Variants in GALNT17 observed in about 807,000 individuals in gnomAD.
The protein encoded by GALNT17 is polypeptide N-acetylgalactosaminyltransferase 17.
Under a neutral mutation model 63.7 loss-of-function variants are expected in GALNT17, and 29 were observed. That is an observed-to-expected ratio of 0.46 (90% CI 0.34 to 0.62). GALNT17 has a LOEUF of 0.62. Among genes scored for constraint, GALNT17 ranks in the 20% least tolerant of loss-of-function variants. GALNT17 has a pLI of 0.01. For synonymous variants in GALNT17, 305 were observed against 318.3 expected (o/e 0.96, Z 0.45); for missense variants, 603 against 799.6 (o/e 0.75, Z 2.97).
intron 3 of GALNT17, among the ~76,000 whole-genome samples, chr7:71,392,519 A>G (rs1793068434): frequency 6.6e-6 from 1 of 152,186 alleles, no homozygotes; most frequent in African/African-American, 2.4e-5. Flanking sequence ...TGCATTTCTT[A>G]TAAGCTCCTA....
intron 9 of GALNT17, among the ~76,000 whole-genome samples, chr7:71,694,311 C>T (rs112454774): frequency 2.0e-5 from 3 of 151,658 alleles, no homozygotes; most frequent in South Asian, 4.2e-4. Context: ...AGAGTCAAAC[C>T]GTATCAATCT....
chr7:71,343,836 G>A (rs1792045630), intron 2 of GALNT17, among the ~76,000 whole-genome samples: 1 of 151,552 alleles, frequency 6.6e-6, no homozygotes, highest in South Asian at 2.1e-4. Flanking sequence ...CTTATTTGGA[G>A]GTGCTAAATA....
rs1434021735 is a variant in GALNT17 at position 71,254,266 on chromosome 7, C to A, written c.239-81284C>A. Among the ~76,000 whole-genome samples the A allele has an allele frequency of 3.3e-5, 5 of 152,116 alleles. No homozygotes were observed. In the East Asian group the frequency reaches 9.7e-4, roughly 29 times the overall value. On this transcript the variant is annotated intron_variant, in intron 1 of 10. Coordinates refer to ENST00000333538, the MANE Select transcript of GALNT17 (RefSeq NM_022479.3). The stretch of plus-strand genomic sequence containing the variant: ...TGTGGAGGTCAAGGTTTTTATCATG[C>A]AGATGAAGCCTCCAGGCAGCAGGCT...
intron 5 of GALNT17, among the ~76,000 whole-genome samples, chr7:71,550,312 A>T (rs980497827): frequency 6.6e-6 from 1 of 152,104 alleles, no homozygotes; most frequent in African/African-American, 2.4e-5. Context: ...TTGTGTTTTG[A>T]CTTTATAACT....
chr7:71,212,482 A>G (rs1244341465), intron 1 of GALNT17, among the ~76,000 whole-genome samples: 1 of 152,220 alleles, frequency 6.6e-6, no homozygotes, highest in Non-Finnish European at 1.5e-5. Flanking sequence ...CAGAGTCCCT[A>G]CTGGGGCACT....
At chr7:71,299,333 C>T (rs1205303861) in intron 1 of GALNT17, among the ~76,000 whole-genome samples, 1 of 152,192 alleles carries the variant, frequency 6.6e-6, no homozygotes, top group African/African-American at 2.4e-5. Context: ...AGGATGGGAA[C>T]TGCCGTTTAT....
At chr7:71,290,077 T>G (rs1389740916) in intron 1 of GALNT17, among the ~76,000 whole-genome samples, 2 of 152,126 alleles carry the variant, frequency 1.3e-5, no homozygotes, top group Non-Finnish European at 2.9e-5. Context: ...ATCAGGTTCA[T>G]CATTTTAACC....
At chr7:71,615,916 G>A (rs1261362227) in intron 6 of GALNT17, among the ~76,000 whole-genome samples, 2 of 152,180 alleles carry the variant, frequency 1.3e-5, no homozygotes, top group Non-Finnish European at 2.9e-5. Flanking sequence ...CCTGAGGATA[G>A]CAGGGGAGGA....
chr7:71,230,919 G>A (rs542408517), intron 1 of GALNT17, among the ~76,000 whole-genome samples: 4 of 152,216 alleles, frequency 2.6e-5, no homozygotes, highest in South Asian at 2.1e-4. Context: ...GGGCCCCACC[G>A]CAGACTCATT....
intron 1 of GALNT17, among the ~76,000 whole-genome samples, chr7:71,312,426 A>G (rs917874960): frequency 2.6e-5 from 4 of 152,206 alleles, no homozygotes; most frequent in Admixed American, 2.0e-4. Context: ...TGATGTCATC[A>G]CTACTGAAAA....
intron 5 of GALNT17, among the ~76,000 whole-genome samples, chr7:71,489,677 A>G (rs562093428): frequency 1.3e-5 from 2 of 152,358 alleles, no homozygotes; most frequent in South Asian, 2.1e-4. Flanking sequence ...AGAGGCTTAC[A>G]TACAGGGGAG....
intron 6 of GALNT17, among the ~76,000 whole-genome samples, chr7:71,616,908 A>ATAATATTAAGAATATATAAT: frequency 6.9e-6 from 1 of 145,108 alleles, no homozygotes; most frequent in African/African-American, 2.5e-5. Flanking sequence ...TCTTATAAGA[A>ATAATATTAAGAATATATAAT]TCATATTAAG....
intron 1 of GALNT17, among the ~76,000 whole-genome samples, chr7:71,289,127 T>C (rs976660191): frequency 3.9e-5 from 6 of 152,084 alleles, no homozygotes; most frequent in African/African-American, 7.2e-5. Context: ...CCAAAACTTA[T>C]TTACAAATAG....
chr7:71,670,094 C>T lies in GALNT17; in HGVS notation c.1389C>T (p.Thr463=), dbSNP rs147604852. Residue 463 remains threonine (T), a synonymous_variant, in exon 8 of 11, where the codon ACC becomes ACT. Coordinates refer to ENST00000333538, the MANE Select transcript of GALNT17 (RefSeq NM_022479.3). ...VYPEMRRYNN[T]VAYGELRNNK... The stretch of plus-strand genomic sequence containing the variant: ...CAGAAATGAGAAGATACAATAATAC[C>T]GTTGCTTACGGGGAGGTAATTCAGA... The T allele has an allele frequency of 6.3e-5, 101 of 1,613,994 alleles. No homozygotes were observed. The highest frequency in any genetic ancestry group is 1.1e-4 in the East Asian group (5 of 44,854).
At chr7:71,570,935 A>G (rs1165540585) in intron 5 of GALNT17, among the ~76,000 whole-genome samples, 1 of 152,096 alleles carries the variant, frequency 6.6e-6, no homozygotes, top group East Asian at 1.9e-4. Flanking sequence ...CCAAGATTGT[A>G]TCATTGCACT....
intron 1 of GALNT17, among the ~76,000 whole-genome samples, chr7:71,156,704 G>C (rs1387011654): frequency 6.1e-5 from 7 of 114,368 alleles, no homozygotes; most frequent in African/African-American, 2.2e-4. Flanking sequence ...CTGTCTCTCT[G>C]TCTCTCTCTC....
chr7:71,691,813 C>A (rs151009280), intron 9 of GALNT17, among the ~76,000 whole-genome samples: 4 of 152,310 alleles, frequency 2.6e-5, no homozygotes, highest in Non-Finnish European at 5.9e-5. Context: ...AATTCCACAG[C>A]CAAATAAGTG....
At chr7:71,602,938 A>C (rs1248775512) in intron 6 of GALNT17, among the ~76,000 whole-genome samples, 4 of 152,178 alleles carry the variant, frequency 2.6e-5, no homozygotes, top group African/African-American at 9.7e-5. Context: ...TATACCAGGT[A>C]CCATGCTAAG....
At chr7:71,516,078 A>G (rs1788440400) in intron 5 of GALNT17, among the ~76,000 whole-genome samples, 1 of 152,128 alleles carries the variant, frequency 6.6e-6, no homozygotes, top group African/African-American at 2.4e-5. Context: ...CATATGGTAG[A>G]GGAAGAAGTG....
Sources: allele counts gnomAD v4.1 joint callset (sites outside exome capture counted in the v4.1 genomes callset), GRCh38; gene constraint gnomAD v4.1.1; transcripts MANE v1.5; gene names NCBI Gene and HGNC (gene_info 2026-07-23, HGNC 2026-07-21).